The following TGFBR1 variants were observed in gnomAD, a reference collection of about 807,000 sequenced individuals.
The protein encoded by TGFBR1 is transforming growth factor beta receptor 1.
TGFBR1 carries 20 observed loss-of-function variants against 55.1 expected under a neutral mutation model. That is an observed-to-expected ratio of 0.36 (90% CI 0.26 to 0.53). TGFBR1 has a LOEUF of 0.53. Among genes scored for constraint, TGFBR1 ranks in the 20% least tolerant of loss-of-function variants. The pLI is 0.91. For synonymous variants in TGFBR1, 220 were observed against 214.8 expected (o/e 1.02, Z -0.21); for missense variants, 385 against 617.6 (o/e 0.62, Z 3.99).
chr9:99,106,926 A>G (rs971576397), intron 1 of TGFBR1, among the ~76,000 whole-genome samples: 1 of 152,248 alleles, frequency 6.6e-6, no homozygotes, highest in Non-Finnish European at 1.5e-5. Flanking sequence ...GGAGGAAGGC[A>G]GGATAACTGT....
intron 3 of TGFBR1, among the ~76,000 whole-genome samples, chr9:99,135,484 A>G (rs9282873): frequency 1.3e-3 from 198 of 152,376 alleles, no homozygotes; most frequent in African/African-American, 4.6e-3. Flanking sequence ...ACCATAATTA[A>G]GGAAAGGCCC....
At chr9:99,120,918 G>T (rs1367833214) in intron 1 of TGFBR1, among the ~76,000 whole-genome samples, 2 of 152,130 alleles carry the variant, frequency 1.3e-5, no homozygotes, top group African/African-American at 2.4e-5. Context: ...ATCCCATCTT[G>T]CCATTTGGGC....
chr9:99,127,949 C>T (rs1228042718), intron 1 of TGFBR1: 2 of 455,846 alleles, frequency 4.4e-6, no homozygotes, highest in African/African-American at 4.0e-5. Flanking sequence ...AGGTATCTGG[C>T]CTCAAGGAGT....
chr9:99,138,052 T>C lies in TGFBR1; in HGVS notation c.768T>C (p.His256=), dbSNP rs762125867. 6.2e-7 allele frequency: 1 copy of C among 1,614,060 alleles called. No individual in the cohort carries two copies. The highest frequency in any genetic ancestry group is 1.1e-5 in the South Asian group (1 of 91,078). ...TTTATCAAACTGTAATGTTACGTCA[T>C]GAAAACATCCTGGGATTTATAGCAG... The part of the protein sequence containing the change: ...AEIYQTVMLR[H]ENILGFIAAD... Residue 256 remains histidine (H), a synonymous_variant, in exon 4 of 9, where the codon CAT becomes CAC. Coordinates refer to ENST00000374994, the MANE Select transcript of TGFBR1 (RefSeq NM_004612.4).
intron 2 of TGFBR1, among the ~76,000 whole-genome samples, chr9:99,130,570 T>C (rs976297905): frequency 1.3e-5 from 2 of 152,266 alleles, no homozygotes; most frequent in African/African-American, 4.8e-5. Context: ...TTGAAATATC[T>C]GAATAGATAT....
chr9:99,150,564 C>T lies in TGFBR1; in HGVS notation c.*1259C>T, dbSNP rs150247576. On this transcript the variant is annotated 3_prime_UTR_variant, in exon 9 of 9. Coordinates refer to ENST00000374994, the MANE Select transcript of TGFBR1 (RefSeq NM_004612.4). ...TGTTATGTATGTAGGAGTAAACGTT[C>T]GGTGGATCCTCTGTCTTTGTAACTG... 1.3e-4 allele frequency: 28 copies of T among 215,986 alleles called. No individual in the cohort carries two copies. In the East Asian group the frequency reaches 1.7e-3, roughly 13 times the overall value. 13.4% of individuals were successfully genotyped at this position (215,986 alleles called of 1,614,324 possible).
chr9:99,149,041 T>C lies in TGFBR1; in HGVS notation c.1387-139T>C, dbSNP rs1827891407. ...TGATGGAAATTTATGTAATTTCTAC[T>C]CATTTGCTATTACAAATAATGCTTA... On this transcript the variant is annotated intron_variant, in intron 8 of 8. Transcript: ENST00000374994. The C allele has an allele frequency of 3.4e-6, 3 of 881,350 alleles. No homozygotes were observed. In the Admixed American group the frequency reaches 7.4e-5, roughly 22 times the overall value. The allele number at this position is 881,350 out of a possible 1,614,324, so 54.6% of individuals were successfully genotyped here. A position where few individuals can be genotyped will look rare whatever the true frequency, so the allele number is the denominator to read the frequency against.
At position 99,152,394 on chromosome 9, in the gene TGFBR1, C is replaced by G. The variant is rs1326374215; in HGVS notation, c.*3089C>G. 4.4e-6 allele frequency: 1 copy of G among 225,896 alleles called. No homozygotes were observed. Among genetic ancestry groups the G allele is most frequent in the Admixed American group, 5.7e-5 (1 of 17,506 alleles). 14.0% of individuals were successfully genotyped at this position (225,896 alleles called of 1,614,324 possible). A position where few individuals can be genotyped will look rare whatever the true frequency, so the allele number is the denominator to read the frequency against. On this transcript the variant is annotated 3_prime_UTR_variant, in exon 9 of 9. Coordinates refer to ENST00000374994, the MANE Select transcript of TGFBR1 (RefSeq NM_004612.4). ...ACAGGGTAAGGTCTGAAGAGCTGAGCCTGTAATTCTGCTGTAATAATGATA... is the reference window on the plus strand; with the variant it reads ...ACAGGGTAAGGTCTGAAGAGCTGAGGCTGTAATTCTGCTGTAATAATGATA...
chr9:99,132,562 C>T lies in TGFBR1; in HGVS notation c.397C>T (p.Pro133Ser), dbSNP rs1292981675. The T allele has an allele frequency of 1.2e-6, 2 of 1,614,144 alleles. No homozygotes were observed. Among genetic ancestry groups the T allele is most frequent in the African/African-American group, 1.3e-5 (1 of 75,038 alleles). The change falls in exon 3 of 9, where the codon CCA (proline) becomes TCA (serine). Residue 133 changes from proline to serine, a missense_variant. Physicochemically the swap from Pro to Ser is moderately conservative, Grantham distance 74. Transcript: ENST00000374994. Reference protein sequence around the residue: ...PVELAAVIAGPVCFVCISLML... With the variant: ...PVELAAVIAGSVCFVCISLML... Reference sequence around the variant, plus strand: ...GGAACTGGCAGCTGTCATTGCTGGACCAGTGTGCTTCGTCTGCATCTCACT... The same window carrying T: ...GGAACTGGCAGCTGTCATTGCTGGATCAGTGTGCTTCGTCTGCATCTCACT...
At chr9:99,134,314 T>G (rs983230882) in intron 3 of TGFBR1, among the ~76,000 whole-genome samples, 1 of 152,194 alleles carries the variant, frequency 6.6e-6, no homozygotes, top group Non-Finnish European at 1.5e-5. Flanking sequence ...AGGCTCGCAC[T>G]GGAGCTCACG....
rs552675405 is a variant in TGFBR1 at position 99,127,820 on chromosome 9, CATGTG to C, written c.98-1033_98-1029del. 2.0e-4 allele frequency: 80 copies of C among 408,192 alleles called. 1 individual carries two copies. Among genetic ancestry groups the C allele is most frequent in the African/African-American group, 1.4e-3 (69 of 48,590 alleles). The allele number at this position is 408,192 out of a possible 1,614,324, so 25.3% of individuals were successfully genotyped here. ...AGAACATGTCTGTGCTTTGCAATTT[CATGTG>C]ACCATGGTGAAATTATGCACACATT... On this transcript the variant is annotated intron_variant, in intron 1 of 8. Transcript: ENST00000374994.
chr9:99,141,986 A>G (rs771075436), intron 4 of TGFBR1, among the ~76,000 whole-genome samples: 7 of 152,200 alleles, frequency 4.6e-5, no homozygotes, highest in Non-Finnish European at 1.0e-4. Flanking sequence ...CCTTGGAATC[A>G]TAATCATCTT....
intron 4 of TGFBR1, among the ~76,000 whole-genome samples, chr9:99,142,302 G>C (rs1447002795): frequency 6.6e-6 from 1 of 152,144 alleles, no homozygotes; most frequent in Non-Finnish European, 1.5e-5. Context: ...TCTTAAATGG[G>C]ATTAATTATA....
At position 99,144,821 on chromosome 9, in the gene TGFBR1, GCAGTAAGA is replaced by G; in HGVS notation, c.1066_1073del (p.Val356Ter). The G allele has an allele frequency of 6.2e-7, 1 of 1,613,996 alleles. No individual in the cohort carries two copies. Among genetic ancestry groups the G allele is most frequent in the Non-Finnish European group, 8.5e-7 (1 of 1,179,934 alleles). ...TTGCTGTATTGCAGACTTAGGACTG[GCAGTAAGA>G]CATGATTCAGCCACAGATACCATTG... On this transcript the variant is annotated frameshift_variant, in exon 6 of 9. Coordinates refer to ENST00000374994, the MANE Select transcript of TGFBR1 (RefSeq NM_004612.4). LOFTEE classifies it high-confidence loss of function.
rs1287000021 is a variant in TGFBR1 at position 99,153,520 on chromosome 9, AATTGTAT to A, written c.*4223_*4229del. The A allele has an allele frequency of 2.0e-5, 4 of 196,802 alleles. No homozygotes were observed. The highest frequency in any genetic ancestry group is 1.2e-4 in the Admixed American group (2 of 16,472). The allele number at this position is 196,802 out of a possible 1,614,324, so 12.2% of individuals were successfully genotyped here. A position where few individuals can be genotyped will look rare whatever the true frequency, so the allele number is the denominator to read the frequency against. The stretch of plus-strand genomic sequence containing the variant: ...CTGTGTTTCCCCATAAGTTTTTTTA[AATTGTAT>A]ATTGTATTTGTAGTAATATTCCAAA... On this transcript the variant is annotated 3_prime_UTR_variant, in exon 9 of 9. Transcript: ENST00000374994.
chr9:99,111,381 C>A (rs1826573444), intron 1 of TGFBR1, among the ~76,000 whole-genome samples: 1 of 142,668 alleles, frequency 7.0e-6, no homozygotes, highest in African/African-American at 2.6e-5. Flanking sequence ...GTAATCCCAG[C>A]ACTTTGGGAG....
At chr9:99,132,478 G>T in intron 2 of TGFBR1, 31 bp from the exon 3 acceptor site, 1 of 1,612,674 alleles carries the variant, frequency 6.2e-7, no homozygotes, top group African/African-American at 1.3e-5. Flanking sequence ...TGTCGTTGTT[G>T]ATGTTTATTT....
At position 99,150,876 on chromosome 9, in the gene TGFBR1, T is replaced by C. The variant is rs1393663476; in HGVS notation, c.*1571T>C. ...AATAACTGGTTTTTACTTCCAATGC[T>C]ATGAAGTCTCTGCAGGGCTTTTACA... On this transcript the variant is annotated 3_prime_UTR_variant, in exon 9 of 9. Coordinates refer to ENST00000374994, the MANE Select transcript of TGFBR1 (RefSeq NM_004612.4). 9.0e-6 allele frequency: 2 copies of C among 221,842 alleles called. No individual in the cohort carries two copies. The highest frequency in any genetic ancestry group is 1.8e-5 in the Non-Finnish European group (2 of 110,558). The allele number at this position is 221,842 out of a possible 1,614,324, so 13.7% of individuals were successfully genotyped here.
At chr9:99,132,338 C>T (rs1348799152) in intron 2 of TGFBR1, among the ~76,000 whole-genome samples, 171 bp from the exon 3 acceptor site, 1 of 152,128 alleles carries the variant, frequency 6.6e-6, no homozygotes, top group Non-Finnish European at 1.5e-5. Context: ...TGGGAGAAGA[C>T]TGATTCACTT....
Sources: gnomAD v4.1 joint callset for allele counts (sites outside exome capture counted in the v4.1 genomes callset) on GRCh38, gnomAD v4.1.1 for gene constraint, MANE v1.5 for transcripts, NCBI Gene and HGNC (gene_info 2026-07-23, HGNC 2026-07-21) for gene names.